The following ZNF169 variants were observed in gnomAD, a reference collection of about 807,000 sequenced individuals.
The protein encoded by ZNF169 is zinc finger protein 169.
In ZNF169, 11 loss-of-function variants were observed where a neutral mutation model predicts 12.0. That is an observed-to-expected ratio of 0.92 (90% CI 0.58 to 1.52). The LOEUF is 1.52. ZNF169 is among the 40% of genes most tolerant of loss of function. The pLI, the probability that ZNF169 is intolerant of heterozygous loss-of-function variation, is 0.00. For missense variants in ZNF169, 722 were observed against 744.0 expected (o/e 0.97, Z 0.34); for synonymous variants, 302 against 286.5 (o/e 1.05, Z -0.55).
intron 1 of ZNF169, among the ~76,000 whole-genome samples, chr9:94,270,677 AAT>A (rs1277401566): frequency 3.1e-4 from 22 of 70,308 alleles, no homozygotes; most frequent in African/African-American, 9.4e-4. Context: ...ATACTATATA[AAT>A]ATATATAAAT....
intron 1 of ZNF169, among the ~76,000 whole-genome samples, chr9:94,277,328 T>G (rs1830540575): frequency 6.6e-6 from 1 of 152,106 alleles, no homozygotes. Context: ...CTTATCAGAC[T>G]TAAAAGGCTG....
intron 1 of ZNF169, among the ~76,000 whole-genome samples, chr9:94,270,695 A>T (rs1437091369): frequency 1.3e-5 from 1 of 75,804 alleles, no homozygotes; most frequent in South Asian, 3.9e-4. Context: ...TAAATATATA[A>T]TTTATATAAT....
chr9:94,264,199 C>T (rs1001465371), intron 1 of ZNF169, among the ~76,000 whole-genome samples: 1 of 152,172 alleles, frequency 6.6e-6, no homozygotes, highest in African/African-American at 2.4e-5. Flanking sequence ...TGCAGTGGCA[C>T]AATTTTGGCT....
At position 94,299,823 on chromosome 9, in the gene ZNF169, A is replaced by G; in HGVS notation, c.265A>G (p.Thr89Ala). 7 of 1,612,962 alleles carry G rather than the reference A, an allele frequency of 4.3e-6. No individual in the cohort carries two copies. Among genetic ancestry groups the G allele is most frequent in the Non-Finnish European group, 5.9e-6 (7 of 1,179,378 alleles). The change falls in exon 5 of 5, where the codon ACA becomes GCA. Residue 89 changes from threonine to alanine, a missense_variant. Coordinates refer to ENST00000395395, the MANE Select transcript of ZNF169 (RefSeq NM_194320.4). ...HLLDLCPEPRTEFQPSFPHLV... is the reference protein window; with the variant it reads ...HLLDLCPEPRAEFQPSFPHLV... ...GACTTTCTCTCTAGCAGAGCCTAGAACAGAATTCCAGCCAAGTTTTCCCCA... is the reference window on the plus strand; with the variant it reads ...GACTTTCTCTCTAGCAGAGCCTAGAGCAGAATTCCAGCCAAGTTTTCCCCA...
rs1831010220 is a variant in ZNF169, at chr9:94,299,378, T to C, written c.257-437T>C. On this transcript the variant is annotated intron_variant, in intron 4 of 4. Coordinates refer to ENST00000395395, the MANE Select transcript of ZNF169 (RefSeq NM_194320.4). ...CAGTCAAGGAAGCCCAAAGCATGGC[T>C]CCCCTTCAGATGCTAAGATCTTATT... 8.3e-6 allele frequency: 4 copies of C among 482,908 alleles called. No individual in the cohort carries two copies. The South Asian group carries it at 4.1e-4, about 49-fold the overall frequency. The allele number at this position is 482,908 out of a possible 1,614,324, so 29.9% of individuals were successfully genotyped here.
chr9:94,297,547 A>G (rs990653670), intron 4 of ZNF169, among the ~76,000 whole-genome samples: 1 of 152,212 alleles, frequency 6.6e-6, no homozygotes, highest in Non-Finnish European at 1.5e-5. Flanking sequence ...TGGAATGTGA[A>G]TGGCAATCCC....
At chr9:94,273,106 T>G (rs1468168769) in intron 1 of ZNF169, among the ~76,000 whole-genome samples, 1 of 152,198 alleles carries the variant, frequency 6.6e-6, no homozygotes, top group Admixed American at 6.5e-5. Flanking sequence ...TCTTTATATA[T>G]TCTACATTTT....
At chr9:94,273,201 G>T (rs768549176) in intron 1 of ZNF169, among the ~76,000 whole-genome samples, 20 of 152,000 alleles carry the variant, frequency 1.3e-4, no homozygotes, top group Admixed American at 6.6e-4. Context: ...TTCCTTTGCT[G>T]CAAAGAAGTT....
intron 2 of ZNF169, chr9:94,288,343 G>A: frequency 9.7e-7 from 1 of 1,033,928 alleles, no homozygotes; most frequent in Non-Finnish European, 1.5e-6. Context: ...CTCTGTAAAT[G>A]CCAGGCCATA....
intron 1 of ZNF169, among the ~76,000 whole-genome samples, chr9:94,268,922 T>A (rs1489273380): frequency 6.6e-6 from 1 of 151,896 alleles, no homozygotes; most frequent in African/African-American, 2.4e-5. Context: ...AGAAAAAACT[T>A]TTGCTCAAAA....
At chr9:94,287,674 T>C in intron 2 of ZNF169, 1 of 1,037,134 alleles carries the variant, frequency 9.6e-7, no homozygotes, top group Non-Finnish European at 1.5e-6. Context: ...AAAAATAGTT[T>C]AAAATTAAAC....
chr9:94,296,205 A>G (rs553246318), intron 4 of ZNF169, among the ~76,000 whole-genome samples: 1 of 152,344 alleles, frequency 6.6e-6, no homozygotes, highest in South Asian at 2.1e-4. Flanking sequence ...TCTTTTGCCC[A>G]TTTAAAAATG....
At chr9:94,281,373 A>G (rs758927974) in intron 2 of ZNF169, among the ~76,000 whole-genome samples, 2 of 152,220 alleles carry the variant, frequency 1.3e-5, no homozygotes, top group Non-Finnish European at 2.9e-5. Context: ...GAGAATTGTA[A>G]CATGCATTAT....
chr9:94,262,498 G>A (rs1461500973), intron 1 of ZNF169, among the ~76,000 whole-genome samples: 1 of 151,670 alleles, frequency 6.6e-6, no homozygotes, highest in African/African-American at 2.4e-5. Context: ...TCACTCTGTC[G>A]CCCAGGCTGG....
intron 3 of ZNF169, among the ~76,000 whole-genome samples, 196 bp from the exon 4 acceptor site, chr9:94,292,778 A>C (rs1442654380): frequency 6.6e-6 from 1 of 152,022 alleles, no homozygotes; most frequent in Non-Finnish European, 1.5e-5. Context: ...ACAGGGTAGA[A>C]TCAACATACT....
chr9:94,276,643 C>T (rs977634881), intron 1 of ZNF169, among the ~76,000 whole-genome samples: 2 of 152,164 alleles, frequency 1.3e-5, no homozygotes, highest in Admixed American at 1.3e-4. Context: ...CCATCCTTGG[C>T]CTCCCAAAGT....
In ZNF169 at chr9:94,291,047, C is replaced by CTTT. The variant is rs59027045; in HGVS notation, c.34-1271_34-1269dup. On this transcript the variant is annotated intron_variant, in intron 2 of 4. Transcript: ENST00000395395. The stretch of plus-strand genomic sequence containing the variant: ...TGATTCTGGTCTATGGAACAGTATT[C>CTTT]TTTTTTTTTTTTTTTTTTTTTTTTT... Among the ~76,000 whole-genome samples, 232 of 59,606 alleles carry CTTT rather than the reference C, an allele frequency of 3.9e-3. 9 individuals are homozygous for CTTT. The highest frequency in any genetic ancestry group is 0.02 in the East Asian group (42 of 2,134). The allele number at this position is 59,606 out of a possible 152,430, so 39.1% of individuals were successfully genotyped here.
At position 94,300,882 on chromosome 9, in the gene ZNF169, A is replaced by T. The variant is rs1351378430; in HGVS notation, c.1324A>T (p.Lys442Ter). ...CPQCGRGFSQ[K>*]VTLIGHQRTH... Reference sequence around the variant, plus strand: ...CCAGTGTGGGCGGGGTTTTAGCCAGAAGGTCACCCTCATTGGACACCAGAG... The same window carrying T: ...CCAGTGTGGGCGGGGTTTTAGCCAGTAGGTCACCCTCATTGGACACCAGAG... Residue 442 changes from lysine to a stop codon, truncating the protein, a stop_gained, in exon 5 of 5, where the codon AAG becomes TAG. Transcript: ENST00000395395. LOFTEE classifies it low-confidence loss of function (END_TRUNC). 2.5e-6 allele frequency: 4 copies of T among 1,613,796 alleles called. No homozygotes were observed. The highest frequency in any genetic ancestry group is 3.4e-6 in the Non-Finnish European group (4 of 1,179,928).
At chr9:94,263,507 T>TAA (rs1051043656) in intron 1 of ZNF169, among the ~76,000 whole-genome samples, 2 of 130,166 alleles carry the variant, frequency 1.5e-5, no homozygotes, top group African/African-American at 5.9e-5. Context: ...AGACAACATA[T>TAA]GGTTAGGTCT....
Sources: gnomAD v4.1 joint callset for allele counts (sites outside exome capture counted in the v4.1 genomes callset) on GRCh38, gnomAD v4.1.1 for gene constraint, MANE v1.5 for transcripts, NCBI Gene and HGNC (gene_info 2026-07-23, HGNC 2026-07-21) for gene names.